Variants in LHPP observed in about 807,000 individuals in gnomAD.
LHPP encodes the protein phospholysine phosphohistidine inorganic pyrophosphate phosphatase, also known as hLHPP.
A neutral mutation model predicts 30.3 loss-of-function variants in LHPP; 24 were observed. The observed-to-expected ratio is 0.79, with a 90% CI of 0.57 to 1.11. The LOEUF is 1.11. LHPP is among the 50% of genes most tolerant of loss of function. The pLI, the probability that LHPP is intolerant of heterozygous loss-of-function variation, is 0.00. For synonymous variants in LHPP, 150 were observed against 157.1 expected, an observed-to-expected ratio of 0.95 and a Z score of 0.34; for missense variants, 356 against 367.2, an observed-to-expected ratio of 0.97 and a Z score of 0.25.
chr10:124,528,207 C>T (rs1329435429), intron 6 of LHPP, among the ~76,000 whole-genome samples: 1 of 152,212 alleles, frequency 6.6e-6, no homozygotes, highest in Non-Finnish European at 1.5e-5. Context: ...ATTTCCCTAA[C>T]GGTTCCCATT....
chr10:124,463,775 T>C (rs1016437028), intron 1 of LHPP, among the ~76,000 whole-genome samples: 1 of 151,790 alleles, frequency 6.6e-6, no homozygotes, highest in Admixed American at 6.6e-5. Context: ...CCCAAAGTGC[T>C]AGGATTACAG....
chr10:124,530,355 A>T (rs1395636063), intron 6 of LHPP, among the ~76,000 whole-genome samples: 1 of 152,104 alleles, frequency 6.6e-6, no homozygotes, highest in Non-Finnish European at 1.5e-5. Context: ...TGCTGGAGCC[A>T]GGGCCGATGC....
chr10:124,594,910 C>T (rs1330494520), intron 6 of LHPP, among the ~76,000 whole-genome samples: 1 of 152,216 alleles, frequency 6.6e-6, no homozygotes, highest in Non-Finnish European at 1.5e-5. Flanking sequence ...GGATTACAGG[C>T]ATGAGCCACC....
rs534509465 is a variant in LHPP, at chr10:124,488,642, C to T, written c.467+67C>T. On this transcript the variant is annotated intron_variant, in intron 3 of 6. Coordinates refer to ENST00000368842, the MANE Select transcript of LHPP (RefSeq NM_022126.4). ...TGATGCTGTGCCAGTCTCCAACTTG[C>T]GGAATCAGGCAGAGAAGGATGCAGA... 5.6e-5 allele frequency: 81 copies of T among 1,437,586 alleles called. No homozygotes were observed. In the South Asian group the frequency reaches 6.9e-4, roughly 12 times the overall value. 89.1% of individuals were successfully genotyped at this position (1,437,586 alleles called of 1,614,324 possible). A position where few individuals can be genotyped will look rare whatever the true frequency, so the allele number is the denominator to read the frequency against.
chr10:124,543,336 C>T (rs563167503), intron 6 of LHPP, among the ~76,000 whole-genome samples: 9 of 152,360 alleles, frequency 5.9e-5, no homozygotes, highest in African/African-American at 1.9e-4. Context: ...CACCCCCGGT[C>T]GGCCCAGGTG....
chr10:124,506,059 C>T (rs1954054317), intron 5 of LHPP, among the ~76,000 whole-genome samples: 1 of 152,066 alleles, frequency 6.6e-6, no homozygotes, highest in Non-Finnish European at 1.5e-5. Flanking sequence ...GCCTGGGTAA[C>T]ATGGTGAAAC....
rs1955171502 is a variant in LHPP at position 124,541,049 on chromosome 10, T to G, written c.716+23778T>G. ...AAATCCATTAAATTATTTAACAGCT[T>G]TTTTAATGGAGGAAGGGGCCCCCCA... On this transcript the variant is annotated intron_variant, in intron 6 of 6. Coordinates refer to ENST00000368842, the MANE Select transcript of LHPP (RefSeq NM_022126.4). The surrounding 1 kb of genome is among the most constrained non-coding windows in gnomAD (Gnocchi z 4.2). Among the ~76,000 whole-genome samples the G allele has an allele frequency of 1.3e-5, 2 of 152,362 alleles. No homozygotes were observed. The highest frequency in any genetic ancestry group is 6.5e-5 in the Admixed American group (1 of 15,310).
At chr10:124,485,428 G>C (rs1047718070) in intron 2 of LHPP, among the ~76,000 whole-genome samples, 2 of 151,950 alleles carry the variant, frequency 1.3e-5, no homozygotes, top group African/African-American at 4.8e-5. Context: ...AGGCTGAAGG[G>C]AGGATGAATG....
intron 6 of LHPP, among the ~76,000 whole-genome samples, chr10:124,612,213 G>A (rs1281014881): frequency 6.6e-6 from 1 of 151,940 alleles, no homozygotes; most frequent in East Asian, 1.9e-4. Flanking sequence ...AGACCGGCCT[G>A]GCCAACATGG....
intron 6 of LHPP, among the ~76,000 whole-genome samples, chr10:124,538,846 T>C (rs763076108): frequency 2.0e-5 from 3 of 152,192 alleles, no homozygotes; most frequent in East Asian, 1.9e-4. Context: ...TGCTGACCAG[T>C]GCAGGCTCTC....
intron 1 of LHPP, among the ~76,000 whole-genome samples, chr10:124,470,932 G>A (rs1449520293): frequency 1.3e-5 from 2 of 152,134 alleles, no homozygotes; most frequent in Non-Finnish European, 2.9e-5. Context: ...GAAGCACTTT[G>A]TCTTCAGAGA....
intron 6 of LHPP, among the ~76,000 whole-genome samples, chr10:124,528,038 G>A (rs1954790159): frequency 9.2e-6 from 1 of 108,486 alleles, no homozygotes; most frequent in South Asian, 4.0e-4. Flanking sequence ...CAAAGTGCTG[G>A]GATTACCCGG....
intron 5 of LHPP, among the ~76,000 whole-genome samples, chr10:124,513,545 A>C (rs112042247): frequency 0.097 from 13,297 of 136,500 alleles, 830 homozygotes; most frequent in South Asian, 0.25. Context: ...GCTCACTGCA[A>C]CCTCCACCTC....
Position 124,497,038 on chromosome 10 carries a change from T to G in LHPP, c.531+14T>G. 6.2e-7 allele frequency: 1 copy of G among 1,612,026 alleles called. No homozygotes were observed. Among genetic ancestry groups the G allele is most frequent in the Non-Finnish European group, 8.5e-7 (1 of 1,178,204 alleles). Reference sequence around the variant, plus strand: ...AAGGCGCTTGAGGTACCAGCCCTGGTTCTGTCCCAAACTCTCTTCAGACCT... The same window carrying G: ...AAGGCGCTTGAGGTACCAGCCCTGGGTCTGTCCCAAACTCTCTTCAGACCT... On this transcript the variant is annotated intron_variant, in intron 4 of 6. Transcript: ENST00000368842.
intron 1 of LHPP, among the ~76,000 whole-genome samples, chr10:124,462,544 G>A (rs1952434970): frequency 6.6e-6 from 1 of 152,158 alleles, no homozygotes; most frequent in Non-Finnish European, 1.5e-5. Context: ...ACAGTGAGCT[G>A]TGATCACCCC....
At chr10:124,544,871 A>G (rs74160922) in intron 6 of LHPP, among the ~76,000 whole-genome samples, 7,226 of 148,778 alleles carry the variant, frequency 0.049, 213 homozygotes, top group South Asian at 0.078. Context: ...GAAGGCGATC[A>G]CATCGAGTGT....
chr10:124,529,957 G>A (rs1270873359), intron 6 of LHPP, among the ~76,000 whole-genome samples: 1 of 152,246 alleles, frequency 6.6e-6, no homozygotes. Context: ...ATGGCATGCT[G>A]GTCTTTGGCA....
chr10:124,567,466 C>T lies in LHPP; in HGVS notation c.717-45798C>T, dbSNP rs145635658. On this transcript the variant is annotated intron_variant, in intron 6 of 6. Transcript: ENST00000368842. ...TGGGAATAAATAAGAGAGTAGAAAACGTAAGTGAGGTTCTTGTCTGGCCGC... is the reference window on the plus strand; with the variant it reads ...TGGGAATAAATAAGAGAGTAGAAAATGTAAGTGAGGTTCTTGTCTGGCCGC... Among the ~76,000 whole-genome samples, 541 of 152,354 alleles carry T rather than the reference C, an allele frequency of 3.6e-3. 2 individuals are homozygous for T. The highest frequency in any genetic ancestry group is 0.012 in the African/African-American group (513 of 41,584).
chr10:124,485,511 T>G (rs1953297947), intron 2 of LHPP, among the ~76,000 whole-genome samples: 1 of 152,182 alleles, frequency 6.6e-6, no homozygotes, highest in African/African-American at 2.4e-5. Flanking sequence ...GGAATTTTTT[T>G]TTTCAGTCAT....
Sources: gnomAD v4.1 joint callset for allele counts (sites outside exome capture counted in the v4.1 genomes callset) on GRCh38, gnomAD v4.1.1 for gene constraint, Gnocchi (gnomAD v3.1) non-coding constraint, MANE v1.5 for transcripts, NCBI Gene and HGNC (gene_info 2026-07-23, HGNC 2026-07-21) for gene names.